INPP4B: variants seen among roughly 807,000 people sequenced by gnomAD.
INPP4B encodes inositol polyphosphate-4-phosphatase type II B.
In INPP4B, 55 loss-of-function variants were observed where a neutral mutation model predicts 122.5. The ratio of observed to expected loss-of-function variants is 0.45; its 90% CI spans 0.36 to 0.56. The LOEUF (loss-of-function observed/expected upper bound fraction) is 0.56. Ranked by LOEUF, INPP4B falls within the 20% of genes least tolerant of loss-of-function variation. The pLI is 0.00. For synonymous variants in INPP4B, 403 were observed against 388.7 expected, an observed-to-expected ratio of 1.04 and a Z score of -0.43; for missense variants, 1,000 against 1,097.7, an observed-to-expected ratio of 0.91 and a Z score of 1.26.
chr4:142,100,236 G>T (rs1297603565), intron 23 of INPP4B, among the ~76,000 whole-genome samples: 3 of 152,102 alleles, frequency 2.0e-5, no homozygotes, highest in Admixed American at 2.0e-4. Context: ...GAGAGTCAAG[G>T]ACAGGAGGAA....
chr4:142,122,256 G>T lies in INPP4B; in HGVS notation c.2018-11C>A, dbSNP rs1482839238. ...TTCCAATTTCATCGCCTAAACAATA[G>T]AAAAGGCACTTAGCTACAAACAAAC... On this transcript the variant is annotated splice_polypyrimidine_tract_variant and intron_variant, in intron 20 of 25. Transcript: ENST00000262992. The T allele has an allele frequency of 6.4e-7, 1 of 1,573,428 alleles. No individual in the cohort carries two copies. Among genetic ancestry groups the T allele is most frequent in the Non-Finnish European group, 8.7e-7 (1 of 1,146,672 alleles).
intron 2 of INPP4B, among the ~76,000 whole-genome samples, chr4:142,567,548 T>A (rs1361731340): frequency 6.6e-6 from 1 of 152,182 alleles, no homozygotes; most frequent in Non-Finnish European, 1.5e-5. Context: ...ACAAGAGAAG[T>A]ATCCTTCATT....
intron 25 of INPP4B, among the ~76,000 whole-genome samples, chr4:142,059,343 C>T (rs1398927235): frequency 2.0e-5 from 3 of 152,056 alleles, no homozygotes; most frequent in Admixed American, 6.6e-5. Flanking sequence ...TTTCTTAGGC[C>T]TCCTACTTGC....
At chr4:142,692,145 C>T (rs1760281163) in intron 2 of INPP4B, among the ~76,000 whole-genome samples, 1 of 152,002 alleles carries the variant, frequency 6.6e-6, no homozygotes, top group African/African-American at 2.4e-5. Flanking sequence ...TTCCACTTTG[C>T]CCTCTGAAGT....
chr4:142,180,730 C>G (rs1007081442), intron 15 of INPP4B, among the ~76,000 whole-genome samples: 1 of 152,044 alleles, frequency 6.6e-6, no homozygotes, highest in African/African-American at 2.4e-5. Flanking sequence ...ATCTCTTGAA[C>G]ATAGTATCAA....
At chr4:142,193,339 A>C in intron 14 of INPP4B, 144 bp from the exon 15 acceptor site, 1 of 566,980 alleles carries the variant, frequency 1.8e-6, no homozygotes, top group African/African-American at 1.9e-5. Context: ...TCACATCTCA[A>C]GGGGGAAAGA....
chr4:142,086,646 C>T (rs1406186834), intron 23 of INPP4B, among the ~76,000 whole-genome samples: 1 of 152,208 alleles, frequency 6.6e-6, no homozygotes, highest in African/African-American at 2.4e-5. Context: ...TGAGCCACTG[C>T]ACCCAGCCTC....
intron 2 of INPP4B, among the ~76,000 whole-genome samples, chr4:142,502,116 C>T (rs184608594): frequency 2.6e-5 from 4 of 152,294 alleles, no homozygotes; most frequent in African/African-American, 9.6e-5. Flanking sequence ...CTAAAGATAA[C>T]ATCTTAATAT....
intron 2 of INPP4B, among the ~76,000 whole-genome samples, chr4:142,657,271 A>G (rs2150569280): frequency 6.6e-6 from 1 of 152,358 alleles, no homozygotes; most frequent in Non-Finnish European, 1.5e-5. Flanking sequence ...AAATATAAAC[A>G]GCCCTAAAGA....
intron 8 of INPP4B, among the ~76,000 whole-genome samples, chr4:142,311,634 A>C (rs1765551107): frequency 6.6e-6 from 1 of 152,142 alleles, no homozygotes; most frequent in Admixed American, 6.6e-5. Flanking sequence ...TTGCCTATCT[A>C]ACTCACTTTC....
chr4:142,126,497 T>C lies in INPP4B; in HGVS notation c.1721-1737A>G, dbSNP rs550221288. 3.3e-5 allele frequency among the ~76,000 whole-genome samples: 5 copies of C among 152,270 alleles called. No individual in the cohort carries two copies. In the South Asian group the frequency reaches 8.3e-4, roughly 25 times the overall value. On this transcript the variant is annotated intron_variant, in intron 18 of 25. Transcript: ENST00000262992. ...ACATAATAAAAAGATACATTCTTAG[T>C]AATACTCTATGAAATGCCTATGTGA...
intron 18 of INPP4B, among the ~76,000 whole-genome samples, 196 bp from the exon 19 acceptor site, chr4:142,124,956 C>T (rs541158581): frequency 1.8e-4 from 28 of 152,192 alleles, no homozygotes; most frequent in African/African-American, 5.8e-4. Context: ...AGCCACCCAT[C>T]AGACCTCTCC....
chr4:142,662,582 G>C (rs1000713184), intron 2 of INPP4B, among the ~76,000 whole-genome samples: 2 of 152,126 alleles, frequency 1.3e-5, no homozygotes, highest in Non-Finnish European at 2.9e-5. Context: ...AGAAGAGATT[G>C]TGTCACCTCC....
chr4:142,056,817 G>A (rs2667104), intron 25 of INPP4B, among the ~76,000 whole-genome samples: 123,444 of 151,732 alleles, frequency 0.81, 52,351 homozygotes, highest in Non-Finnish European at 0.92. Context: ...ACATTCATTA[G>A]CTTAGAGGTC....
chr4:142,410,842 C>CA (rs1258781137), intron 5 of INPP4B, among the ~76,000 whole-genome samples: 2 of 152,070 alleles, frequency 1.3e-5, no homozygotes, highest in East Asian at 3.8e-4. Flanking sequence ...TGCATTAACA[C>CA]AAAAAATGGA....
intron 9 of INPP4B, among the ~76,000 whole-genome samples, chr4:142,294,331 A>AT (rs397818287): frequency 6.6e-6 from 1 of 150,468 alleles, no homozygotes; most frequent in East Asian, 2.0e-4. Context: ...CCAGCCCCTA[A>AT]GCTTCTGATG....
chr4:142,110,782 T>C (rs1368216113), intron 22 of INPP4B, among the ~76,000 whole-genome samples: 2 of 152,172 alleles, frequency 1.3e-5, no homozygotes, highest in African/African-American at 2.4e-5. Context: ...TTAAATAAAA[T>C]GACTGACAAC....
intron 12 of INPP4B, among the ~76,000 whole-genome samples, chr4:142,220,940 T>C (rs1478511594): frequency 6.6e-6 from 1 of 152,142 alleles, no homozygotes; most frequent in African/African-American, 2.4e-5. Flanking sequence ...ATGGCCTCTC[T>C]TTAAGCTAAT....
chr4:142,471,523 A>T (rs1055765537), intron 2 of INPP4B, among the ~76,000 whole-genome samples: 4 of 152,182 alleles, frequency 2.6e-5, no homozygotes, highest in Admixed American at 6.5e-5. Flanking sequence ...GAACAAATAT[A>T]TGGCCTAGGC....
Sources: allele counts gnomAD v4.1 joint callset (sites outside exome capture counted in the v4.1 genomes callset), GRCh38; gene constraint gnomAD v4.1.1; transcripts MANE v1.5; gene names NCBI Gene and HGNC (gene_info 2026-07-23, HGNC 2026-07-21).